RASGRF1: variants seen among roughly 807,000 people sequenced by gnomAD.
RASGRF1 encodes the protein ras-specific guanine nucleotide-releasing factor 1.
RASGRF1 carries 40 observed loss-of-function variants against 138.7 expected under a neutral mutation model. The ratio of observed to expected loss-of-function variants is 0.29; its 90% CI spans 0.22 to 0.38. The LOEUF (loss-of-function observed/expected upper bound fraction) is 0.38, where lower values mean the gene tolerates loss of function less well. Among genes scored for constraint, RASGRF1 ranks in the 10% least tolerant of loss-of-function variants. The pLI, the probability that RASGRF1 is intolerant of heterozygous loss-of-function variation, is 1.00. For synonymous variants in RASGRF1, 614 were observed against 663.2 expected, an observed-to-expected ratio of 0.93 and a Z score of 1.14; for missense variants, 1,108 against 1,650.4, an observed-to-expected ratio of 0.67 and a Z score of 5.69.
chr15:78,988,089 C>A (rs993070964), intron 22 of RASGRF1, among the ~76,000 whole-genome samples: 1 of 152,198 alleles, frequency 6.6e-6, no homozygotes, highest in Non-Finnish European at 1.5e-5. Flanking sequence ...TGGCCAAATG[C>A]CAGGTCGTTA....
chr15:79,019,501 C>A (rs2056928556), intron 11 of RASGRF1, among the ~76,000 whole-genome samples: 1 of 152,092 alleles, frequency 6.6e-6, no homozygotes, highest in African/African-American at 2.4e-5. Context: ...CCCTCCTGGC[C>A]CCTGCAAGGG....
chr15:79,083,016 C>T (rs1166302564), intron 1 of RASGRF1, among the ~76,000 whole-genome samples: 1 of 152,200 alleles, frequency 6.6e-6, no homozygotes, highest in Non-Finnish European at 1.5e-5. Context: ...TGTAGTTTAA[C>T]ACAGAGATGG....
chr15:79,032,036 C>G lies in RASGRF1; in HGVS notation c.1152+87G>C. 6.9e-7 allele frequency: 1 copy of G among 1,439,872 alleles called. No individual in the cohort carries two copies. 89.2% of individuals were successfully genotyped at this position (1,439,872 alleles called of 1,614,324 possible). A position where few individuals can be genotyped will look rare whatever the true frequency, so the allele number is the denominator to read the frequency against. ...CCTTTGGCAGCCCAGAGCTGGGGTG[C>G]GTTAAGCACTGTGCCCCCACCGCCA... On this transcript the variant is annotated intron_variant, in intron 7 of 26. Coordinates refer to ENST00000558480, the MANE Select transcript of RASGRF1 (RefSeq NM_001145648.3). The surrounding 1 kb of genome is among the most constrained non-coding windows in gnomAD (Gnocchi z 4.5).
intron 17 of RASGRF1, 93 bp from the exon 18 acceptor site, chr15:78,998,918 A>T: frequency 1.0e-6 from 1 of 982,810 alleles, no homozygotes; most frequent in Non-Finnish European, 1.6e-6. Flanking sequence ...GATCTGGCTG[A>T]GCTGGGGTGA....
At chr15:79,030,722 T>A (rs1247497618) in intron 8 of RASGRF1, among the ~76,000 whole-genome samples, 1 of 152,186 alleles carries the variant, frequency 6.6e-6, no homozygotes, top group Non-Finnish European at 1.5e-5. Flanking sequence ...TCTTTCCACA[T>A]CAAATCCATC....
At chr15:79,039,725 T>C (rs931148500) in intron 5 of RASGRF1, among the ~76,000 whole-genome samples, 1 of 152,202 alleles carries the variant, frequency 6.6e-6, no homozygotes, top group African/African-American at 2.4e-5. Flanking sequence ...CTATTTCTCA[T>C]AGTATATTTT....
chr15:79,067,142 A>G (rs1219715269), intron 1 of RASGRF1, among the ~76,000 whole-genome samples: 1 of 152,086 alleles, frequency 6.6e-6, no homozygotes, highest in Non-Finnish European at 1.5e-5. Context: ...CAGTTTATGG[A>G]GGGGTGGCCT....
Position 79,032,921 on chromosome 15 carries a change from A to G in RASGRF1, c.959-605T>C, listed in dbSNP as rs1435172163. Among the ~76,000 whole-genome samples the G allele has an allele frequency of 6.6e-6, 1 of 152,192 alleles. No individual in the cohort carries two copies. Among genetic ancestry groups the G allele is most frequent in the Non-Finnish European group, 1.5e-5 (1 of 68,030 alleles). On this transcript the variant is annotated intron_variant, in intron 6 of 26. Transcript: ENST00000558480. This position sits in a 1 kb window ranked among gnomAD's most constrained non-coding sequence, Gnocchi z 4.5. ...CCTCCTGCAGTCTCCGTCCTGAGAC[A>G]GAAGTGGCCTATCTGAGGTCACAGG...
rs1326151566 is a variant in RASGRF1 at position 79,090,589 on chromosome 15, GCGCT to G, written c.-95_-92del. 13 of 1,538,964 alleles carry G rather than the reference GCGCT, an allele frequency of 8.4e-6. No homozygotes were observed. The highest frequency in any genetic ancestry group is 2.7e-5 in the African/African-American group (2 of 73,758). On this transcript the variant is annotated 5_prime_UTR_variant, in exon 1 of 27. Transcript: ENST00000558480. ...GCGCGCTGCGCGCTGCCTCTCTCTG[GCGCT>G]CGCTCGCTCGCTCCCTCTAGCTCTC...
At chr15:79,065,988 G>A (rs2141067030) in intron 1 of RASGRF1, among the ~76,000 whole-genome samples, 1 of 152,056 alleles carries the variant, frequency 6.6e-6, no homozygotes, top group Admixed American at 6.5e-5. Context: ...GTCAATGTCT[G>A]TCTCTTGTTT....
chr15:78,968,328 G>A (rs142141674), intron 26 of RASGRF1, among the ~76,000 whole-genome samples: 9 of 151,718 alleles, frequency 5.9e-5, no homozygotes, highest in Non-Finnish European at 1.3e-4. Flanking sequence ...CTAGTGTGCA[G>A]TGGTGCAATG....
Position 79,005,433 on chromosome 15 carries a change from G to A in RASGRF1, c.2075+753C>T, listed in dbSNP as rs2056648951. On this transcript the variant is annotated intron_variant, in intron 14 of 26. Coordinates refer to ENST00000558480, the MANE Select transcript of RASGRF1 (RefSeq NM_001145648.3). ...AGAGCCTCTGAGCCTCTGAGGGCTG[G>A]GATGGGCTGTCCACAACTGGGATCT... 9 of 985,270 alleles carry A rather than the reference G, an allele frequency of 9.1e-6. No individual in the cohort carries two copies. In the African/African-American group the frequency reaches 1.2e-4, roughly 13 times the overall value. The allele number at this position is 985,270 out of a possible 1,614,324, so 61.0% of individuals were successfully genotyped here.
In RASGRF1 at chr15:79,034,593, G is replaced by A. The variant is rs193103486; in HGVS notation, c.958+538C>T. ...AGCAGATGGTTAGATAAATGACAGT[G>A]CCTTCATGGGTACTGGAGTATTACA... On this transcript the variant is annotated intron_variant, in intron 6 of 26. Transcript: ENST00000558480. Among the ~76,000 whole-genome samples, 29 of 152,236 alleles carry A rather than the reference G, an allele frequency of 1.9e-4. No homozygotes were observed. In the East Asian group the frequency reaches 5.6e-3, roughly 29 times the overall value.
intron 5 of RASGRF1, among the ~76,000 whole-genome samples, chr15:79,042,449 C>T (rs1335640176): frequency 4.6e-5 from 7 of 152,198 alleles, no homozygotes; most frequent in Non-Finnish European, 7.3e-5. Context: ...GCCCCCACAG[C>T]GTGGACAGCA....
rs146262959 is a variant in RASGRF1 at position 78,999,052 on chromosome 15, C to A, written c.2747-227G>T. Among the ~76,000 whole-genome samples, 548 of 152,314 alleles carry A rather than the reference C, an allele frequency of 3.6e-3. 6 individuals carry two copies. Among genetic ancestry groups the A allele is most frequent in the African/African-American group, 0.013 (536 of 41,562 alleles). On this transcript the variant is annotated intron_variant, in intron 17 of 26. Coordinates refer to ENST00000558480, the MANE Select transcript of RASGRF1 (RefSeq NM_001145648.3). ...ATGCCCAGCCTCTTCCAGACCTCTC[C>A]ATCTTTCAAGAGCTGCTGGAAGGTT...
intron 3 of RASGRF1, among the ~76,000 whole-genome samples, chr15:79,054,441 C>T (rs573013713): frequency 3.3e-5 from 5 of 152,276 alleles, no homozygotes; most frequent in South Asian, 2.1e-4. Context: ...TCCTCTGAGT[C>T]GTTGTTGGGA....
intron 24 of RASGRF1, chr15:78,979,325 T>C (rs1403292234): frequency 3.2e-6 from 2 of 626,460 alleles, no homozygotes; most frequent in South Asian, 2.1e-5. Flanking sequence ...GGCAGAGGGG[T>C]GAGCAGTCTG....
chr15:78,986,750 C>G (rs967753940), intron 22 of RASGRF1, among the ~76,000 whole-genome samples: 3 of 152,122 alleles, frequency 2.0e-5, no homozygotes, highest in African/African-American at 7.2e-5. Flanking sequence ...AATTACAGGG[C>G]TTTATCGCTA....
intron 21 of RASGRF1, among the ~76,000 whole-genome samples, chr15:78,991,214 G>A (rs1233724944): frequency 6.6e-6 from 1 of 152,226 alleles, no homozygotes; most frequent in Non-Finnish European, 1.5e-5. Flanking sequence ...AAGGAAGAGG[G>A]ATAGAAAATT....
Sources: gnomAD v4.1 joint callset for allele counts (sites outside exome capture counted in the v4.1 genomes callset) on GRCh38, gnomAD v4.1.1 for gene constraint, Gnocchi (gnomAD v3.1) non-coding constraint, MANE v1.5 for transcripts, NCBI Gene and HGNC (gene_info 2026-07-23, HGNC 2026-07-21) for gene names.